MGAT5B: variants seen among roughly 807,000 people sequenced by gnomAD.
MGAT5B encodes N-acetylglucosaminyl-transferase Vb.
MGAT5B carries 54 observed loss-of-function variants against 95.1 expected under a neutral mutation model. The ratio of observed to expected loss-of-function variants is 0.57; its 90% CI spans 0.46 to 0.71. The LOEUF (loss-of-function observed/expected upper bound fraction) is 0.71, where lower values mean the gene tolerates loss of function less well. MGAT5B is among the 30% of genes least tolerant of loss of function. The pLI is 0.00. For synonymous variants in MGAT5B, 464 were observed against 451.0 expected (o/e 1.03, Z -0.36); for missense variants, 935 against 1,088.6 (o/e 0.86, Z 1.99).
At chr17:76,947,687 ATAATGCAGG>A in intron 16 of MGAT5B, 134 bp from the exon 17 acceptor site, 1 of 1,327,554 alleles carries the variant, frequency 7.5e-7, no homozygotes, top group South Asian at 2.1e-5. Flanking sequence ...AGTAAATGAA[ATAATGCAGG>A]TAAAGCTACC....
intron 2 of MGAT5B, among the ~76,000 whole-genome samples, chr17:76,877,638 C>T (rs980419312): frequency 1.4e-4 from 21 of 152,164 alleles, no homozygotes; most frequent in African/African-American, 3.1e-4. Flanking sequence ...CTCTGCTGCC[C>T]GGAGCCCAGA....
At position 76,902,584 on chromosome 17, in the gene MGAT5B, G is replaced by A. The variant is rs142179833; in HGVS notation, c.359G>A (p.Arg120Gln). ...CCCCCTGGGGCCGGCCTCATGGAGC[G>A]GATCCAGGCTATTGCCCAGAACGTC... ...RMPPGAGLME[R>Q]IQAIAQNVSD... is the part of the protein sequence containing the mutation. Residue 120 changes from arginine (R) to glutamine (Q), a missense_variant, in exon 4 of 18, where the codon CGG becomes CAG. Physicochemically the swap from Arg to Gln is conservative, Grantham distance 43. Coordinates refer to ENST00000569840, the MANE Select transcript of MGAT5B (RefSeq NM_001199172.2). 28 of 1,601,634 alleles carry A rather than the reference G, an allele frequency of 1.7e-5. No homozygotes were observed. Among genetic ancestry groups the A allele is most frequent in the Non-Finnish European group, 2.3e-5 (27 of 1,173,868 alleles).
At position 76,926,737 on chromosome 17, in the gene MGAT5B, G is replaced by A; in HGVS notation, c.1291+7G>A. ...CAGTTCATGACCATGTTTCGTGAGT[G>A]CCCCACAGGGCAGGGGTGGGGTCGG... On this transcript the variant is annotated splice_region_variant and intron_variant, in intron 10 of 17. Coordinates refer to ENST00000569840, the MANE Select transcript of MGAT5B (RefSeq NM_001199172.2). 6.2e-7 allele frequency: 1 copy of A among 1,612,408 alleles called. No homozygotes were observed. Among genetic ancestry groups the A allele is most frequent in the South Asian group, 1.1e-5 (1 of 91,048 alleles).
rs1411329296 is a variant in MGAT5B, at chr17:76,950,169, TGA to T, written c.*1335_*1336del. ...TTCCCGGGAGGCAGCCCCGGGATGC[TGA>T]GAGTTGGTGGAGGGGCCAGGCTGGA... On this transcript the variant is annotated 3_prime_UTR_variant, in exon 18 of 18. Transcript: ENST00000569840. 3.3e-5 allele frequency: 5 copies of T among 152,532 alleles called. No homozygotes were observed. Among genetic ancestry groups the T allele is most frequent in the African/African-American group, 7.2e-5 (3 of 41,412 alleles). 9.4% of individuals were successfully genotyped at this position (152,532 alleles called of 1,614,324 possible). A position where few individuals can be genotyped will look rare whatever the true frequency, so the allele number is the denominator to read the frequency against.
rs2145222216 is a variant in MGAT5B at position 76,918,013 on chromosome 17, G to A, written c.1026-6953G>A. 6.6e-6 allele frequency among the ~76,000 whole-genome samples: 1 copy of A among 152,206 alleles called. No individual in the cohort carries two copies. The highest frequency in any genetic ancestry group is 1.9e-4 in the East Asian group (1 of 5,196). On this transcript the variant is annotated intron_variant, in intron 8 of 17. Transcript: ENST00000569840. The surrounding 1 kb of genome is among the most constrained non-coding windows in gnomAD (Gnocchi z 5.1). ...CAGCCGTGCTGGCAGCCAGCGGGGT[G>A]AGTGTGTGGTCTCCTCCAGCTCTCC...
rs180954517 is a variant in MGAT5B at position 76,916,189 on chromosome 17, C to T, written c.1026-8777C>T. 1.3e-4 allele frequency among the ~76,000 whole-genome samples: 20 copies of T among 151,008 alleles called. No individual in the cohort carries two copies. The highest frequency in any genetic ancestry group is 4.0e-4 in the African/African-American group (16 of 40,430). ...GCTCCACATAGCTGCACTGCCCTGGCCCCTGCCCTTCATTCTTCCTCGGGA... is the reference window on the plus strand; with the variant it reads ...GCTCCACATAGCTGCACTGCCCTGGTCCCTGCCCTTCATTCTTCCTCGGGA... On this transcript the variant is annotated intron_variant, in intron 8 of 17. Coordinates refer to ENST00000569840, the MANE Select transcript of MGAT5B (RefSeq NM_001199172.2). The surrounding 1 kb of genome is among the most constrained non-coding windows in gnomAD (Gnocchi z 5.3).
At chr17:76,892,821 A>G (rs1255303700) in intron 3 of MGAT5B, among the ~76,000 whole-genome samples, 2 of 152,136 alleles carry the variant, frequency 1.3e-5, no homozygotes, top group Non-Finnish European at 2.9e-5. Context: ...CAGAGACATG[A>G]CTGACCACTC....
chr17:76,938,023 C>T lies in MGAT5B; in HGVS notation c.1464C>T (p.Tyr488=), dbSNP rs1273431557. Residue 488 remains tyrosine, a synonymous_variant, in exon 13 of 18, where the codon TAC becomes TAT. Coordinates refer to ENST00000569840, the MANE Select transcript of MGAT5B (RefSeq NM_001199172.2). This position sits in a 1 kb window ranked among gnomAD's most constrained non-coding sequence, Gnocchi z 4.3. ...AGTTCCTGGGCATCCTGAACAAATA[C>T]ATGGAGATCCATGGCACCGTGTACT... The part of the protein sequence containing the change: ...KEKFLGILNK[Y]MEIHGTVYYE... The T allele has an allele frequency of 6.2e-7, 1 of 1,614,238 alleles. No homozygotes were observed. Among genetic ancestry groups the T allele is most frequent in the South Asian group, 1.1e-5 (1 of 91,086 alleles).
intron 2 of MGAT5B, among the ~76,000 whole-genome samples, chr17:76,877,593 G>A (rs1011126361): frequency 2.0e-5 from 3 of 152,208 alleles, no homozygotes; most frequent in Non-Finnish European, 4.4e-5. Flanking sequence ...CTGAGGAAGA[G>A]CCTGGTGTGG....
At chr17:76,877,757 G>A (rs1463231915) in intron 2 of MGAT5B, among the ~76,000 whole-genome samples, 1 of 152,180 alleles carries the variant, frequency 6.6e-6, no homozygotes, top group Non-Finnish European at 1.5e-5. Context: ...TCAGTGCCAG[G>A]GAGGTCTCTG....
At chr17:76,900,928 C>T (rs538381501) in intron 3 of MGAT5B, among the ~76,000 whole-genome samples, 61 of 148,384 alleles carry the variant, frequency 4.1e-4, no homozygotes, top group East Asian at 4.1e-3. Flanking sequence ...TACATGTGTG[C>T]GTGCGTGTTT....
At position 76,905,246 on chromosome 17, in the gene MGAT5B, G is replaced by A. The variant is rs926344644; in HGVS notation, c.768G>A (p.Lys256=). The change falls in exon 7 of 18, where the codon AAG becomes AAA. Residue 256 remains lysine, a synonymous_variant. Coordinates refer to ENST00000569840, the MANE Select transcript of MGAT5B (RefSeq NM_001199172.2). The surrounding 1 kb of genome is among the most constrained non-coding windows in gnomAD (Gnocchi z 4.2). ...SGKESLIFMK[K]RTKRLTAQWA... is the part of the protein sequence containing the mutation. ...AGGAGTCCCTGATCTTCATGAAGAA[G>A]CGGACCAAGAGGCTCACAGCCCAGT... 3 of 1,613,354 alleles carry A rather than the reference G, an allele frequency of 1.9e-6. No homozygotes were observed.
chr17:76,933,741 G>C (rs1176408077), intron 12 of MGAT5B, among the ~76,000 whole-genome samples: 1 of 152,170 alleles, frequency 6.6e-6, no homozygotes, highest in Non-Finnish European at 1.5e-5. Flanking sequence ...CTGTCGCAGG[G>C]AAACCCCAAA....
At chr17:76,913,017 T>C (rs12603564) in intron 8 of MGAT5B, among the ~76,000 whole-genome samples, 61,933 of 152,146 alleles carry the variant, frequency 0.41, 13,535 homozygotes, top group East Asian at 0.89. Flanking sequence ...CTGAGCTCTT[T>C]CTCCATCCAT....
At chr17:76,872,423 A>G (rs1283001370) in intron 1 of MGAT5B, among the ~76,000 whole-genome samples, 2 of 152,210 alleles carry the variant, frequency 1.3e-5, no homozygotes, top group Non-Finnish European at 2.9e-5. Flanking sequence ...ACTTTGCTAA[A>G]ACAGCTTGCT....
chr17:76,924,915 T>G (rs1265532466), intron 8 of MGAT5B, 51 bp from the exon 9 acceptor site: 8 of 1,606,772 alleles, frequency 5.0e-6, no homozygotes, highest in Non-Finnish European at 6.8e-6. Flanking sequence ...GGGTGGCCGG[T>G]TGGGCAGGTG....
intron 10 of MGAT5B, among the ~76,000 whole-genome samples, chr17:76,927,308 C>G (rs552753215): frequency 7.9e-5 from 12 of 152,110 alleles, no homozygotes; most frequent in Admixed American, 2.0e-4. Context: ...GTGATCTCCT[C>G]GGCTCACTGC....
rs750801749 is a variant in MGAT5B at position 76,938,448 on chromosome 17, T to C, written c.1584+305T>C. On this transcript the variant is annotated intron_variant, in intron 13 of 17. Transcript: ENST00000569840. This position sits in a 1 kb window ranked among gnomAD's most constrained non-coding sequence, Gnocchi z 4.3. ...CCCTTGCAGTACCAGTCCAGCCAAA[T>C]GGACTCCTGGGTCAGGCCTAGCTTT... is the stretch of plus-strand genomic sequence containing the variant. Among the ~76,000 whole-genome samples the C allele has an allele frequency of 5.9e-5, 9 of 152,174 alleles. No individual in the cohort carries two copies. Among genetic ancestry groups the C allele is most frequent in the Non-Finnish European group, 8.8e-5 (6 of 68,018 alleles).
rs1014474998 is a variant in MGAT5B, at chr17:76,912,081, C to A, written c.1025+5894C>A. Among the ~76,000 whole-genome samples the A allele has an allele frequency of 2.0e-5, 3 of 152,166 alleles. No homozygotes were observed. Among genetic ancestry groups the A allele is most frequent in the Admixed American group, 2.0e-4 (3 of 15,280 alleles). ...GGCCTCCCTGTGAGCGTGTCTGTGTCCAGATTTCCCCTCCCTATAAGGACC... is the reference window on the plus strand; with the variant it reads ...GGCCTCCCTGTGAGCGTGTCTGTGTACAGATTTCCCCTCCCTATAAGGACC... On this transcript the variant is annotated intron_variant, in intron 8 of 17. Transcript: ENST00000569840. This position sits in a 1 kb window ranked among gnomAD's most constrained non-coding sequence, Gnocchi z 5.0.
Sources: allele counts gnomAD v4.1 joint callset (sites outside exome capture counted in the v4.1 genomes callset), GRCh38; gene constraint gnomAD v4.1.1; non-coding constraint Gnocchi (gnomAD v3.1); transcripts MANE v1.5; gene names NCBI Gene and HGNC (gene_info 2026-07-23, HGNC 2026-07-21).